The following FANCD2 variants were observed in gnomAD, a reference collection of about 807,000 sequenced individuals.
FANCD2 encodes FA complementation group D2.
A neutral mutation model predicts 192.3 loss-of-function variants in FANCD2; 131 were observed. That is an observed-to-expected ratio of 0.68 (90% CI 0.59 to 0.79). FANCD2 has a LOEUF of 0.79. FANCD2 is among the 30% of genes least tolerant of loss of function. The probability of loss-of-function intolerance (pLI) is 0.00; values close to 1 mark genes in which losing one functional copy is unlikely to be tolerated. For missense variants in FANCD2, 1,508 were observed against 1,701.6 expected, an observed-to-expected ratio of 0.89 and a Z score of 2.00; for synonymous variants, 524 against 612.5, an observed-to-expected ratio of 0.86 and a Z score of 2.13.
intron 36 of FANCD2, among the ~76,000 whole-genome samples, chr3:10,089,322 A>T (rs1021373454): frequency 6.6e-6 from 1 of 152,014 alleles, no homozygotes; most frequent in East Asian, 1.9e-4. Flanking sequence ...TGTCCAACGT[A>T]TATAGCTTCC....
chr3:10,038,735 C>T (rs1229963535), intron 7 of FANCD2, among the ~76,000 whole-genome samples: 2 of 151,956 alleles, frequency 1.3e-5, no homozygotes, highest in African/African-American at 4.8e-5. Context: ...TACCCACCAT[C>T]GTGCCCAGCT....
chr3:10,063,704 A>G (rs2087631484), intron 20 of FANCD2, 88 bp from the exon 21 acceptor site: 15 of 1,567,244 alleles, frequency 9.6e-6, no homozygotes, highest in Non-Finnish European at 1.3e-5. Context: ...TAAAATCAGA[A>G]AGTGAAAAAA....
At chr3:10,029,556 C>T (rs1356320850) in intron 2 of FANCD2, among the ~76,000 whole-genome samples, 2 of 152,066 alleles carry the variant, frequency 1.3e-5, no homozygotes, top group African/African-American at 4.8e-5. Flanking sequence ...TTGCTCTTAT[C>T]TACTCTATTA....
chr3:10,096,283 A>G (rs1694954094), intron 41 of FANCD2, 43 bp from the exon 42 acceptor site: 8 of 1,606,618 alleles, frequency 5.0e-6, no homozygotes, highest in African/African-American at 1.3e-5. Flanking sequence ...TGAAGGCATG[A>G]TGATAAACTC....
At chr3:10,048,086 C>A (rs768774007) in intron 16 of FANCD2, 35 bp downstream of exon 16, 1 of 1,613,158 alleles carries the variant, frequency 6.2e-7, no homozygotes, top group Admixed American at 1.7e-5. Context: ...AAGGAGGGAA[C>A]ACAGAAAGGG....
rs539240944 is a variant in FANCD2, at chr3:10,082,190, C to T, written c.3224+726C>T. Among the ~76,000 whole-genome samples the T allele has an allele frequency of 6.0e-4, 92 of 152,326 alleles. 2 individuals are homozygous for T. The highest frequency in any genetic ancestry group is 2.1e-3 in the African/African-American group (87 of 41,574). The stretch of plus-strand genomic sequence containing the variant: ...AAATGGTACCACCAGTTGCCTGAAC[C>T]AGAAACCAGGAGTTATTCTTTGTCC... On this transcript the variant is annotated intron_variant, in intron 32 of 43. Transcript: ENST00000675286.
At chr3:10,098,132 T>C (rs1695087430) in intron 42 of FANCD2, among the ~76,000 whole-genome samples, 1 of 152,160 alleles carries the variant, frequency 6.6e-6, no homozygotes, top group African/African-American at 2.4e-5. Flanking sequence ...ATATATGAAA[T>C]ATATAAAACA....
chr3:10,072,723 G>A, intron 26 of FANCD2, 148 bp from the exon 27 acceptor site: 1 of 663,594 alleles, frequency 1.5e-6, no homozygotes, highest in South Asian at 1.7e-5. Flanking sequence ...CCAAAACAAT[G>A]TCAGATGACT....
At chr3:10,062,711 G>C (rs2087604733) in intron 20 of FANCD2, among the ~76,000 whole-genome samples, 1 of 151,998 alleles carries the variant, frequency 6.6e-6, no homozygotes, top group Admixed American at 6.6e-5. Context: ...TTATTTTTAT[G>C]TTTATTTATT....
chr3:10,040,373 C>T (rs1467753410), intron 9 of FANCD2: 3 of 411,996 alleles, frequency 7.3e-6, no homozygotes, highest in African/African-American at 2.1e-5. Flanking sequence ...CTGTTATGAG[C>T]GTGAAGTCTG....
At chr3:10,087,837 C>T (rs1452664273) in intron 34 of FANCD2, among the ~76,000 whole-genome samples, 3 of 151,856 alleles carry the variant, frequency 2.0e-5, no homozygotes, top group Non-Finnish European at 4.4e-5. Context: ...TTAGTGGAGA[C>T]GGGGTTTCAC....
chr3:10,086,984 G>A (rs1447453073), intron 33 of FANCD2, 150 bp from the exon 34 acceptor site: 1 of 835,746 alleles, frequency 1.2e-6, no homozygotes, highest in Non-Finnish European at 2.0e-6. Flanking sequence ...GATGCTTGAA[G>A]AGGGTTGCTA....
At chr3:10,041,784 C>T in intron 10 of FANCD2, 74 bp downstream of exon 10, 1 of 956,014 alleles carries the variant, frequency 1.0e-6, no homozygotes, top group East Asian at 2.4e-5. Context: ...TCAGTCATTG[C>T]CTTGGGAGTA....
intron 19 of FANCD2, among the ~76,000 whole-genome samples, chr3:10,060,850 A>G (rs2087545423): frequency 6.6e-6 from 1 of 152,210 alleles, no homozygotes. Context: ...TAGAATCTAA[A>G]GAAATATCGG....
At position 10,054,446 on chromosome 3, in the gene FANCD2, C is replaced by CATATAT. The variant is rs1319690526; in HGVS notation, c.1656+1972_1656+1977dup. Among the ~76,000 whole-genome samples the CATATAT allele has an allele frequency of 3.2e-3, 118 of 36,490 alleles. 3 individuals carry two copies. The highest frequency in any genetic ancestry group is 6.0e-3 in the South Asian group (4 of 668). The allele number at this position is 36,490 out of a possible 152,430, so 23.9% of individuals were successfully genotyped here. A position where few individuals can be genotyped will look rare whatever the true frequency, so the allele number is the denominator to read the frequency against. ...ATATACATGTATATACATGTATATACATATATATATATATATATATATATA... is the reference window on the plus strand; with the variant it reads ...ATATACATGTATATACATGTATATACATATATATATATATATATATATATATATATA... On this transcript the variant is annotated intron_variant, in intron 18 of 43. Transcript: ENST00000675286.
In FANCD2 at chr3:10,098,736, C is replaced by T; in HGVS notation, c.4202C>T (p.Ser1401Phe). 1.2e-6 allele frequency: 2 copies of T among 1,614,120 alleles called. No homozygotes were observed. Among genetic ancestry groups the T allele is most frequent in the Admixed American group, 1.7e-5 (1 of 60,018 alleles). ...NRDLQGEEIKSQNSQESTADE... is the reference protein window; with the variant it reads ...NRDLQGEEIKFQNSQESTADE... ...CACATTTAGGGTGAAGAGATTAAGT[C>T]CCAAAATTCCCAGGAGAGCACAGCA... The change falls in exon 43 of 44, where the codon TCC becomes TTC. Residue 1401 changes from serine to phenylalanine, a missense_variant. By Grantham distance (155) the Ser-to-Phe change is radical. Around this residue, in one of 5 missense-constraint regions of FANCD2, gnomAD observed 796 missense variants for 879.4 expected, o/e 0.91. Transcript: ENST00000675286.
intron 7 of FANCD2, among the ~76,000 whole-genome samples, chr3:10,038,180 T>G (rs1474817101): frequency 6.6e-6 from 1 of 152,120 alleles, no homozygotes; most frequent in Non-Finnish European, 1.5e-5. Context: ...TTAGTAGATA[T>G]GAGGTTTCGC....
At chr3:10,054,515 G>A (rs1260952438) in intron 18 of FANCD2, among the ~76,000 whole-genome samples, 3 of 94,562 alleles carry the variant, frequency 3.2e-5, no homozygotes, top group East Asian at 3.6e-4. Flanking sequence ...ATGGAGTCTC[G>A]CACTGTCACC....
rs1442761034 is a variant in FANCD2, at chr3:10,064,340, TG to T, written c.1948-15del. 1 of 1,584,808 alleles carries T rather than the reference TG, an allele frequency of 6.3e-7. No individual in the cohort carries two copies. The highest frequency in any genetic ancestry group is 1.3e-5 in the African/African-American group (1 of 74,432). On this transcript the variant is annotated splice_polypyrimidine_tract_variant and intron_variant, in intron 21 of 43. Transcript: ENST00000675286. ...TACACTCTGCACTGCCCTTTTTGTT[TG>T]TTTGCTTCCTGAAGGAATGGGTTGG... is the stretch of plus-strand genomic sequence containing the variant.
Sources: gnomAD v4.1 joint callset for allele counts (sites outside exome capture counted in the v4.1 genomes callset) on GRCh38, gnomAD v4.1.1 for gene constraint, gnomAD v4.1.1 regional missense constraint, MANE v1.5 for transcripts, NCBI Gene and HGNC (gene_info 2026-07-23, HGNC 2026-07-21) for gene names.